The following CTNNA1 variants were observed in gnomAD, a reference collection of about 807,000 sequenced individuals.
The protein encoded by CTNNA1 is catenin alpha-1.
A neutral mutation model predicts 98.4 loss-of-function variants in CTNNA1; 37 were observed. The observed-to-expected ratio is 0.38, with a 90% CI of 0.29 to 0.49. The LOEUF is 0.49. CTNNA1 is among the 20% of genes least tolerant of loss of function. The pLI, the probability that CTNNA1 is intolerant of heterozygous loss-of-function variation, is 0.95. For missense variants in CTNNA1, 761 were observed against 1,147.2 expected (o/e 0.66, Z 4.86); for synonymous variants, 404 against 413.2 (o/e 0.98, Z 0.27).
chr5:138,905,318 C>A (rs1387527205), intron 10 of CTNNA1, among the ~76,000 whole-genome samples: 1 of 152,020 alleles, frequency 6.6e-6, no homozygotes, highest in Non-Finnish European at 1.5e-5. Flanking sequence ...TGGTGCCTTC[C>A]ATTGCTGGAA....
chr5:138,932,589 G>C lies in CTNNA1; in HGVS notation c.2310G>C (p.Ser770=), dbSNP rs147636961. 1 of 1,614,108 alleles carries C rather than the reference G, an allele frequency of 6.2e-7. No homozygotes were observed. ...TGCTCTCTCTTCAGTGCCCCGACTC[G>C]GCTTGCAAGCAGGACCTGCTGGCCT... is the stretch of plus-strand genomic sequence containing the variant. ...GRTIADHCPD[S]ACKQDLLAYL... is the part of the protein sequence containing the mutation. The change falls in exon 17 of 18, where the codon TCG becomes TCC. Residue 770 remains serine, a synonymous_variant. Coordinates refer to ENST00000302763, the MANE Select transcript of CTNNA1 (RefSeq NM_001903.5).
At chr5:138,809,281 T>C (rs572386368) in intron 3 of CTNNA1, among the ~76,000 whole-genome samples, 11 of 152,344 alleles carry the variant, frequency 7.2e-5, no homozygotes, top group African/African-American at 2.4e-4. Context: ...ATAGAAACTT[T>C]TTATAAGTAC....
intron 5 of CTNNA1, among the ~76,000 whole-genome samples, chr5:138,816,124 A>C (rs1759408575): frequency 6.6e-6 from 1 of 152,198 alleles, no homozygotes; most frequent in African/African-American, 2.4e-5. Flanking sequence ...CTTCCATGTA[A>C]GTGAGAACAT....
chr5:138,881,920 G>T (rs979524373), intron 7 of CTNNA1, among the ~76,000 whole-genome samples: 1 of 152,134 alleles, frequency 6.6e-6, no homozygotes, highest in Admixed American at 6.5e-5. Context: ...CCCACCTCAG[G>T]CTTACTCTAG....
At chr5:138,907,863 A>G (rs1220464592) in intron 10 of CTNNA1, among the ~76,000 whole-genome samples, 1 of 152,216 alleles carries the variant, frequency 6.6e-6, no homozygotes. Context: ...CATAGGCAGC[A>G]CTACAGTTTG....
At chr5:138,777,001 C>T (rs1326646271) in intron 1 of CTNNA1, among the ~76,000 whole-genome samples, 2 of 22,534 alleles carry the variant, frequency 8.9e-5, no homozygotes, top group East Asian at 1.2e-3. Context: ...CGGGGGCTGA[C>T]CCCCCACCTC....
At chr5:138,917,638 A>T in intron 10 of CTNNA1, 104 bp from the exon 11 acceptor site, 1 of 1,142,266 alleles carries the variant, frequency 8.8e-7, no homozygotes, top group Non-Finnish European at 1.3e-6. Flanking sequence ...TCTTTGTGAT[A>T]GTTAGGATAG....
At chr5:138,832,977 GCTGA>G (rs1761420348) in intron 7 of CTNNA1, among the ~76,000 whole-genome samples, 1 of 152,094 alleles carries the variant, frequency 6.6e-6, no homozygotes, top group African/African-American at 2.4e-5. Context: ...TGAGGGATAT[GCTGA>G]CTGTTAATAT....
intron 3 of CTNNA1, among the ~76,000 whole-genome samples, chr5:138,804,451 G>A (rs751560899): frequency 6.6e-6 from 1 of 152,204 alleles, no homozygotes; most frequent in East Asian, 1.9e-4. Context: ...AGTTTTACCT[G>A]TTGGAAGTTA....
intron 7 of CTNNA1, among the ~76,000 whole-genome samples, chr5:138,853,829 T>G (rs1189184104): frequency 6.6e-6 from 1 of 152,234 alleles, no homozygotes; most frequent in Non-Finnish European, 1.5e-5. Flanking sequence ...ACATTTCAAA[T>G]GAGGGTTTGA....
At chr5:138,810,929 C>G (rs1192802448) in intron 4 of CTNNA1, among the ~76,000 whole-genome samples, 1 of 141,476 alleles carries the variant, frequency 7.1e-6, no homozygotes, top group South Asian at 2.1e-4. Flanking sequence ...GCTGACCCCC[C>G]CACCTCCCTC....
chr5:138,762,950 A>T (rs1039231825), intron 1 of CTNNA1, among the ~76,000 whole-genome samples: 2 of 152,038 alleles, frequency 1.3e-5, no homozygotes, highest in African/African-American at 2.4e-5. Context: ...TTAAAGGCTA[A>T]TTTTTTCCCT....
In CTNNA1 at chr5:138,823,956, CAAAAAAAAAAAAAAAAAAA is replaced by C. The variant is rs369653057; in HGVS notation, c.589-562_589-544del. Among the ~76,000 whole-genome samples the C allele has an allele frequency of 7.8e-5, 5 of 64,392 alleles. No individual in the cohort carries two copies. The Admixed American group carries it at 1.2e-3, about 16-fold the overall frequency. 42.2% of individuals were successfully genotyped at this position (64,392 alleles called of 152,430 possible). A position where few individuals can be genotyped will look rare whatever the true frequency, so the allele number is the denominator to read the frequency against. The stretch of plus-strand genomic sequence containing the variant: ...TGGGCGACAGAGCGAGACTCCGTCT[CAAAAAAAAAAAAAAAAAAA>C]AAAAAAAAAAATTATGTAACTTGAT... On this transcript the variant is annotated intron_variant, in intron 5 of 17. Transcript: ENST00000302763.
intron 7 of CTNNA1, among the ~76,000 whole-genome samples, chr5:138,847,128 T>C (rs142387628): frequency 1.3e-5 from 2 of 152,362 alleles, no homozygotes; most frequent in East Asian, 1.9e-4. Context: ...AAAAAAGATG[T>C]AGCAGAAGTT....
chr5:138,844,746 A>C (rs750345968), intron 7 of CTNNA1, among the ~76,000 whole-genome samples: 22 of 152,210 alleles, frequency 1.4e-4, no homozygotes, highest in Non-Finnish European at 2.6e-4. Flanking sequence ...TTATTATTAT[A>C]AAGCACTAGA....
At chr5:138,924,934 C>A (rs1407841877) in intron 12 of CTNNA1, among the ~76,000 whole-genome samples, 3 of 152,206 alleles carry the variant, frequency 2.0e-5, no homozygotes, top group Non-Finnish European at 4.4e-5. Flanking sequence ...ATTCTAAACA[C>A]ACGATTTAAG....
intron 7 of CTNNA1, among the ~76,000 whole-genome samples, chr5:138,834,218 A>G (rs568982258): frequency 6.6e-6 from 1 of 152,280 alleles, no homozygotes; most frequent in South Asian, 2.1e-4. Context: ...TTGTGGCTAC[A>G]CTTTTCTTTT....
intron 3 of CTNNA1, among the ~76,000 whole-genome samples, chr5:138,794,970 T>C (rs1756776435): frequency 6.6e-6 from 1 of 151,396 alleles, no homozygotes; most frequent in South Asian, 2.1e-4. Flanking sequence ...ACCAACATGG[T>C]GAAACTCTGT....
At chr5:138,758,355 C>T (rs1242783091) in intron 1 of CTNNA1, among the ~76,000 whole-genome samples, 1 of 151,316 alleles carries the variant, frequency 6.6e-6, no homozygotes, top group East Asian at 1.9e-4. Context: ...GCGCCTGCCA[C>T]CACACCCGGC....
Sources: allele counts gnomAD v4.1 joint callset (sites outside exome capture counted in the v4.1 genomes callset), GRCh38; gene constraint gnomAD v4.1.1; transcripts MANE v1.5; gene names NCBI Gene and HGNC (gene_info 2026-07-23, HGNC 2026-07-21).